The following DBP variants were observed in gnomAD, a reference collection of about 807,000 sequenced individuals.
The protein encoded by DBP is D-box binding PAR bZIP transcription factor.
Under a neutral mutation model 21.4 loss-of-function variants are expected in DBP, and 12 were observed. The observed-to-expected ratio is 0.56, with a 90% CI of 0.36 to 0.91. The LOEUF (loss-of-function observed/expected upper bound fraction) is 0.91. DBP is among the 40% of genes least tolerant of loss of function. DBP has a pLI of 0.01. For synonymous variants in DBP, 213 were observed against 224.9 expected, an observed-to-expected ratio of 0.95 and a Z score of 0.47; for missense variants, 423 against 473.4, an observed-to-expected ratio of 0.89 and a Z score of 0.99.
rs761226449 is a variant in DBP, at chr19:48,637,036, C to G, written c.-42G>C. On this transcript the variant is annotated 5_prime_UTR_variant, in exon 1 of 4. Coordinates refer to ENST00000222122, the MANE Select transcript of DBP (RefSeq NM_001352.5). The stretch of plus-strand genomic sequence containing the variant: ...CCAGGCTCACGGGTTCATGGAGAGG[C>G]GAAGGGCTGGCCTGCCAGTCACCAG... 6.9e-7 allele frequency: 1 copy of G among 1,445,626 alleles called. No homozygotes were observed. Among genetic ancestry groups the G allele is most frequent in the Admixed American group, 2.7e-5 (1 of 36,882 alleles). 89.5% of individuals were successfully genotyped at this position (1,445,626 alleles called of 1,614,324 possible). A position where few individuals can be genotyped will look rare whatever the true frequency, so the allele number is the denominator to read the frequency against.
rs1340708566 is a variant in DBP, at chr19:48,630,600, G to A, written c.*237C>T. On this transcript the variant is annotated 3_prime_UTR_variant, in exon 4 of 4. Coordinates refer to ENST00000222122, the MANE Select transcript of DBP (RefSeq NM_001352.5). This position sits in a 1 kb window ranked among gnomAD's most constrained non-coding sequence, Gnocchi z 4.9. ...ATTTATTCAGGATCGTGTTAACGGA[G>A]GCGGTGGGAGGATAGGGTCCCTGAC... is the stretch of plus-strand genomic sequence containing the variant. 2.0e-6 allele frequency: 3 copies of A among 1,528,662 alleles called. No homozygotes were observed. In the African/African-American group the frequency reaches 4.1e-5, roughly 21 times the overall value. 94.7% of individuals were successfully genotyped at this position (1,528,662 alleles called of 1,614,324 possible).
intron 2 of DBP, 190 bp downstream of exon 2, chr19:48,635,390 T>A: frequency 7.4e-7 from 1 of 1,347,904 alleles, no homozygotes; most frequent in South Asian, 1.5e-5. Context: ...TCCTCCCCCA[T>A]GGATCCATTG....
chr19:48,633,283 TGTGCCCC>T (rs1453255181), intron 3 of DBP, 154 bp downstream of exon 3: 27 of 760,814 alleles, frequency 3.5e-5, no homozygotes, highest in South Asian at 2.6e-4. Context: ...CCTGCCCCCT[TGTGCCCC>T]GTGGCCAAGG....
In DBP at chr19:48,635,917, C is replaced by A; in HGVS notation, c.213G>T (p.Ala71=). 15 of 1,445,704 alleles carry A rather than the reference C, an allele frequency of 1.0e-5. No homozygotes were observed. The highest frequency in any genetic ancestry group is 1.4e-5 in the Non-Finnish European group (15 of 1,108,858). The allele number at this position is 1,445,704 out of a possible 1,614,324, so 89.6% of individuals were successfully genotyped here. The part of the protein sequence containing the change: ...ATTPGPGLET[A]GPADAPAGAV... Reference sequence around the variant, plus strand: ...CCCCAGCCGGGGCATCCGCCGGGCCCGCAGTCTCCAGGCCTGGCCCAGGGG... The same window carrying A: ...CCCCAGCCGGGGCATCCGCCGGGCCAGCAGTCTCCAGGCCTGGCCCAGGGG... The change falls in exon 2 of 4, where the codon GCG becomes GCT. Residue 71 remains alanine, a synonymous_variant. Coordinates refer to ENST00000222122, the MANE Select transcript of DBP (RefSeq NM_001352.5).
rs1489473781 is a variant in DBP, at chr19:48,636,965, C to A, written c.30G>T (p.Pro10=). The change falls in exon 1 of 4, where the codon CCG becomes CCT. Residue 10 remains proline (P), a synonymous_variant. Coordinates refer to ENST00000222122, the MANE Select transcript of DBP (RefSeq NM_001352.5). The part of the protein sequence containing the change: MARPVSDRT[P]APLLLGGPAG... ...CCGGGCCGCCCAGCAGCAGAGGGGC[C>A]GGGGTCCTGTCGCTCACAGGCCGCG... is the stretch of plus-strand genomic sequence containing the variant. 4 of 1,535,682 alleles carry A rather than the reference C, an allele frequency of 2.6e-6. No homozygotes were observed. The highest frequency in any genetic ancestry group is 3.5e-6 in the Non-Finnish European group (4 of 1,143,610).
Position 48,630,727 on chromosome 19 carries a change from C to T in DBP, c.*110G>A. The T allele has an allele frequency of 7.0e-7, 1 of 1,419,090 alleles. No individual in the cohort carries two copies. The highest frequency in any genetic ancestry group is 9.4e-7 in the Non-Finnish European group (1 of 1,063,246). The allele number at this position is 1,419,090 out of a possible 1,614,324, so 87.9% of individuals were successfully genotyped here. On this transcript the variant is annotated 3_prime_UTR_variant, in exon 4 of 4. Coordinates refer to ENST00000222122, the MANE Select transcript of DBP (RefSeq NM_001352.5). This position sits in a 1 kb window ranked among gnomAD's most constrained non-coding sequence, Gnocchi z 4.9. Reference sequence around the variant, plus strand: ...AATGTATTTATCTGCATTATCACGTCCCTGGGGCACCCAGCTGGCCGGCCC... The same window carrying T: ...AATGTATTTATCTGCATTATCACGTTCCTGGGGCACCCAGCTGGCCGGCCC...
chr19:48,633,904 A>G, intron 2 of DBP: 1 of 524,438 alleles, frequency 1.9e-6, no homozygotes, highest in Non-Finnish European at 3.4e-6. Flanking sequence ...GTTCAAGACC[A>G]GCATGGCCAA....
intron 1 of DBP, 66 bp downstream of exon 1, chr19:48,636,790 C>T (rs2030820838): frequency 1.3e-6 from 2 of 1,565,820 alleles, no homozygotes; most frequent in South Asian, 1.2e-5. Context: ...GGACCCCACC[C>T]CACGGCACCT....
chr19:48,632,175 C>G (rs866913709), intron 3 of DBP: 3 of 149,828 alleles, frequency 2.0e-5, no homozygotes, highest in African/African-American at 7.4e-5. Flanking sequence ...CTCACTCTGT[C>G]GCCCAGGCTG....
In DBP at chr19:48,633,636, T is replaced by A; in HGVS notation, c.570A>T (p.Thr190=). The change falls in exon 3 of 4, where the codon ACA becomes ACT. Residue 190 remains threonine, a synonymous_variant. Coordinates refer to ENST00000222122, the MANE Select transcript of DBP (RefSeq NM_001352.5). The part of the protein sequence containing the change: ...GHRAGLTSRD[T]PSPVDPDTVE... ...CGGTGTCTGGGTCCACAGGGCTGGG[T>A]GTGTCCCGAGAGGTCAGGCCTTGGG... 1 of 1,614,054 alleles carries A rather than the reference T, an allele frequency of 6.2e-7. No homozygotes were observed.
Position 48,635,653 on chromosome 19 carries a change from C to G in DBP, c.477G>C (p.Ser159=), listed in dbSNP as rs933243111. Reference sequence around the variant, plus strand: ...GCCCAGGAGAGGAGCGGGGGGAAGCCGAGCCGCACGAACCCGGCCCTGGGG... The same window carrying G: ...GCCCAGGAGAGGAGCGGGGGGAAGCGGAGCCGCACGAACCCGGCCCTGGGG... ...APSPGPGSCG[S]ASPRSSPGHA... is the part of the protein sequence containing the mutation. The change falls in exon 2 of 4, where the codon TCG becomes TCC. Residue 159 remains serine (S), a synonymous_variant. Coordinates refer to ENST00000222122, the MANE Select transcript of DBP (RefSeq NM_001352.5). The G allele has an allele frequency of 1.4e-5, 19 of 1,314,534 alleles. No homozygotes were observed. Among genetic ancestry groups the G allele is most frequent in the Middle Eastern group, 2.8e-4 (1 of 3,622 alleles). 81.4% of individuals were successfully genotyped at this position (1,314,534 alleles called of 1,614,324 possible).
chr19:48,635,887 C>T lies in DBP; in HGVS notation c.243G>A (p.Val81=), dbSNP rs1279247095. The change falls in exon 2 of 4, where the codon GTG becomes GTA. Residue 81 remains valine, a synonymous_variant. Coordinates refer to ENST00000222122, the MANE Select transcript of DBP (RefSeq NM_001352.5). ...AGPADAPAGA[V]VGGGSPRGRP... is the part of the protein sequence containing the mutation. ...GCCCCCGCGGGGACCCTCCGCCCAC[C>T]ACTGCCCCAGCCGGGGCATCCGCCG... The T allele has an allele frequency of 2.1e-6, 3 of 1,414,400 alleles. No homozygotes were observed. Among genetic ancestry groups the T allele is most frequent in the Non-Finnish European group, 2.7e-6 (3 of 1,095,048 alleles). 87.6% of individuals were successfully genotyped at this position (1,414,400 alleles called of 1,614,324 possible). A position where few individuals can be genotyped will look rare whatever the true frequency, so the allele number is the denominator to read the frequency against.
In DBP at chr19:48,634,612, A is replaced by T. The variant is rs964425921; in HGVS notation, c.551-957T>A. 1.6e-5 allele frequency: 14 copies of T among 852,984 alleles called. No individual in the cohort carries two copies. The Admixed American group carries it at 3.8e-4, about 23-fold the overall frequency. 52.8% of individuals were successfully genotyped at this position (852,984 alleles called of 1,614,324 possible). On this transcript the variant is annotated intron_variant, in intron 2 of 3. Transcript: ENST00000222122. ...CCTCCCTTCCTCCCAGGCCCCCGCCATCGGCGCCCTCACGTTCCCCCGGCC... is the reference window on the plus strand; with the variant it reads ...CCTCCCTTCCTCCCAGGCCCCCGCCTTCGGCGCCCTCACGTTCCCCCGGCC...
rs1013420623 is a variant in DBP at position 48,633,782 on chromosome 19, G to T, written c.551-127C>A. On this transcript the variant is annotated intron_variant, in intron 2 of 3. Transcript: ENST00000222122. The stretch of plus-strand genomic sequence containing the variant: ...GGGATCTAGCATAAATTCGGCCAGG[G>T]ATTAATCTCCCTAATATAAAATATG... The T allele has an allele frequency of 1.5e-5, 12 of 774,636 alleles. No homozygotes were observed. The African/African-American group carries it at 1.9e-4, about 12-fold the overall frequency. The allele number at this position is 774,636 out of a possible 1,614,324, so 48.0% of individuals were successfully genotyped here.
At chr19:48,633,749 G>A in intron 2 of DBP, 94 bp from the exon 3 acceptor site, 1 of 1,043,856 alleles carries the variant, frequency 9.6e-7, no homozygotes. Context: ...CACATGGAAA[G>A]TCCTTCTGGG....
Position 48,630,479 on chromosome 19 carries a change from T to C in DBP, c.*358A>G, listed in dbSNP as rs779801784. 6 of 1,501,600 alleles carry C rather than the reference T, an allele frequency of 4.0e-6. No individual in the cohort carries two copies. The highest frequency in any genetic ancestry group is 5.3e-6 in the Non-Finnish European group (6 of 1,131,822). 93.0% of individuals were successfully genotyped at this position (1,501,600 alleles called of 1,614,324 possible). On this transcript the variant is annotated 3_prime_UTR_variant, in exon 4 of 4. Coordinates refer to ENST00000222122, the MANE Select transcript of DBP (RefSeq NM_001352.5). This position sits in a 1 kb window ranked among gnomAD's most constrained non-coding sequence, Gnocchi z 4.9. ...CCAGCACTTCCAGCAGCGCCTGCCCTCTATGGACGACAGCCCGGAGCTGCC... is the reference window on the plus strand; with the variant it reads ...CCAGCACTTCCAGCAGCGCCTGCCCCCTATGGACGACAGCCCGGAGCTGCC...
In DBP at chr19:48,636,940, C is replaced by A; in HGVS notation, c.55G>T (p.Ala19Ser). ...GCTCCCCCGCCAGGGGGTGTCCCGG[C>A]CGGGCCGCCCAGCAGCAGAGGGGCC... ...TPAPLLLGGPAGTPPGGGALL... is the reference protein window; with the variant it reads ...TPAPLLLGGPSGTPPGGGALL... The change falls in exon 1 of 4, where the codon GCC becomes TCC. Residue 19 changes from alanine (A) to serine (S), a missense_variant. By Grantham distance (99) the Ala-to-Ser change is moderately conservative. Around this residue, in one of 4 missense-constraint regions of DBP, gnomAD observed 283 missense variants for 273.7 expected, o/e 1.03. Coordinates refer to ENST00000222122, the MANE Select transcript of DBP (RefSeq NM_001352.5). The A allele has an allele frequency of 6.4e-7, 1 of 1,571,394 alleles. No homozygotes were observed. Among genetic ancestry groups the A allele is most frequent in the Non-Finnish European group, 8.6e-7 (1 of 1,159,864 alleles).
At chr19:48,636,143 C>G (rs1252621489) in intron 1 of DBP, among the ~76,000 whole-genome samples, 153 bp from the exon 2 acceptor site, 1 of 151,920 alleles carries the variant, frequency 6.6e-6, no homozygotes, top group Non-Finnish European at 1.5e-5. Context: ...GGGACGGAGA[C>G]GCAGAGTGGG....
At chr19:48,635,400 G>GACCAA (rs572773395) in intron 2 of DBP, 180 bp downstream of exon 2, 1 of 1,451,946 alleles carries the variant, frequency 6.9e-7, no homozygotes, top group African/African-American at 1.5e-5. Flanking sequence ...TGGATCCATT[G>GACCAA]GTCCCTGACC....
Sources: gnomAD v4.1 joint callset for allele counts (sites outside exome capture counted in the v4.1 genomes callset) on GRCh38, gnomAD v4.1.1 for gene constraint, gnomAD v4.1.1 regional missense constraint, Gnocchi (gnomAD v3.1) non-coding constraint, MANE v1.5 for transcripts, NCBI Gene and HGNC (gene_info 2026-07-23, HGNC 2026-07-21) for gene names.